The following CPD variants were observed in gnomAD, a reference collection of about 807,000 sequenced individuals.
The protein encoded by CPD is metallocarboxypeptidase D.
CPD carries 69 observed loss-of-function variants against 138.3 expected under a neutral mutation model. The observed-to-expected ratio is 0.50, with a 90% CI of 0.41 to 0.61. The LOEUF is 0.61. Among genes scored for constraint, CPD ranks in the 20% least tolerant of loss-of-function variants. CPD has a pLI of 0.00. For synonymous variants in CPD, 651 were observed against 642.1 expected, an observed-to-expected ratio of 1.01 and a Z score of -0.21; for missense variants, 1,432 against 1,733.3, an observed-to-expected ratio of 0.83 and a Z score of 3.09.
chr17:30,447,271 A>C (rs965443125), intron 12 of CPD, among the ~76,000 whole-genome samples: 1 of 152,110 alleles, frequency 6.6e-6, no homozygotes, highest in Non-Finnish European at 1.5e-5. Flanking sequence ...CCTGAATGGT[A>C]TTGCCTAGGT....
intron 2 of CPD, among the ~76,000 whole-genome samples, chr17:30,404,402 A>G (rs1567869868): frequency 1.3e-5 from 2 of 152,168 alleles, no homozygotes; most frequent in African/African-American, 4.8e-5. Flanking sequence ...ATGCCGTTTT[A>G]TAACCTTTTT....
Position 30,378,931 on chromosome 17 carries a change from G to A in CPD, c.-50G>A. On this transcript the variant is annotated 5_prime_UTR_variant, in exon 1 of 21. Coordinates refer to ENST00000225719, the MANE Select transcript of CPD (RefSeq NM_001304.5). ...GGGATCCGGCGGGCCCCCGCCGCCC[G>A]GAGCGCTGAGCCGCGGGAGCGGAGC... 1 of 1,405,316 alleles carries A rather than the reference G, an allele frequency of 7.1e-7. No homozygotes were observed. The highest frequency in any genetic ancestry group is 1.5e-5 in the African/African-American group (1 of 65,550). The allele number at this position is 1,405,316 out of a possible 1,614,324, so 87.1% of individuals were successfully genotyped here. A position where few individuals can be genotyped will look rare whatever the true frequency, so the allele number is the denominator to read the frequency against.
intron 2 of CPD, among the ~76,000 whole-genome samples, chr17:30,390,061 C>T (rs569990826): frequency 5.1e-4 from 78 of 151,798 alleles, no homozygotes; most frequent in African/African-American, 1.8e-3. Flanking sequence ...CTGTGTTGCC[C>T]AGGCTGGAGT....
At chr17:30,432,058 A>G (rs1463828182) in intron 8 of CPD, among the ~76,000 whole-genome samples, 177 bp downstream of exon 8, 10 of 152,164 alleles carry the variant, frequency 6.6e-5, no homozygotes, top group Admixed American at 6.5e-4. Context: ...TGAATACACT[A>G]CATGTCTTTC....
At chr17:30,411,122 A>G (rs1377625529) in intron 2 of CPD, among the ~76,000 whole-genome samples, 1 of 152,182 alleles carries the variant, frequency 6.6e-6, no homozygotes, top group Non-Finnish European at 1.5e-5. Flanking sequence ...TACGAAGCTT[A>G]GTTTGGCTGG....
intron 17 of CPD, 37 bp downstream of exon 17, chr17:30,456,563 G>A (rs1377543192): frequency 3.8e-6 from 6 of 1,597,042 alleles, no homozygotes; most frequent in African/African-American, 1.3e-5. Flanking sequence ...TGGAGTTATG[G>A]CCAGGCACAA....
chr17:30,447,217 T>A (rs916960036), intron 12 of CPD, among the ~76,000 whole-genome samples: 5 of 152,234 alleles, frequency 3.3e-5, no homozygotes, highest in Non-Finnish European at 1.5e-5. Flanking sequence ...TTGTTGCCAT[T>A]GCTATTGGTG....
intron 17 of CPD, among the ~76,000 whole-genome samples, chr17:30,460,729 G>A (rs1329545090): frequency 6.6e-6 from 1 of 152,200 alleles, no homozygotes; most frequent in Non-Finnish European, 1.5e-5. Flanking sequence ...TAATATCAAT[G>A]CCGTATTGCA....
intron 1 of CPD, chr17:30,380,155 G>T: frequency 5.8e-6 from 1 of 171,036 alleles, no homozygotes; most frequent in Non-Finnish European, 1.2e-5. Context: ...CTTTATTTTG[G>T]CCACAACCTG....
At chr17:30,430,503 A>T (rs1362301329) in intron 7 of CPD, among the ~76,000 whole-genome samples, 1 of 152,212 alleles carries the variant, frequency 6.6e-6, no homozygotes, top group African/African-American at 2.4e-5. Flanking sequence ...AGTACATTGT[A>T]TATACATATG....
intron 8 of CPD, 57 bp from the exon 9 acceptor site, chr17:30,438,918 T>C (rs1474705740): frequency 9.9e-6 from 8 of 809,700 alleles, no homozygotes; most frequent in Non-Finnish European, 1.5e-5. Flanking sequence ...CTTTCCAGTA[T>C]TTTTTTTTGA....
chr17:30,445,550 C>T (rs1419494474), intron 11 of CPD, 141 bp from the exon 12 acceptor site: 17 of 545,408 alleles, frequency 3.1e-5, no homozygotes, highest in Admixed American at 1.0e-4. Flanking sequence ...TAATAAATTA[C>T]TCAACGTTAA....
At chr17:30,463,006 C>A (rs769038930) in intron 20 of CPD, among the ~76,000 whole-genome samples, 18 of 152,146 alleles carry the variant, frequency 1.2e-4, no homozygotes, top group Non-Finnish European at 1.8e-4. Context: ...CCGCCCTGGG[C>A]GGGCCAGGTG....
chr17:30,408,585 C>T (rs1597714587), intron 2 of CPD, among the ~76,000 whole-genome samples: 1 of 152,144 alleles, frequency 6.6e-6, no homozygotes, highest in Non-Finnish European at 1.5e-5. Flanking sequence ...AATGGGAGTT[C>T]ACTCATGATT....
chr17:30,450,890 G>A (rs1242809568), intron 13 of CPD, among the ~76,000 whole-genome samples: 2 of 152,098 alleles, frequency 1.3e-5, no homozygotes, highest in African/African-American at 4.8e-5. Flanking sequence ...TTGACCCAGA[G>A]GCTTGGGCAC....
At chr17:30,399,793 C>A (rs929532488) in intron 2 of CPD, among the ~76,000 whole-genome samples, 11 of 152,158 alleles carry the variant, frequency 7.2e-5, no homozygotes, top group African/African-American at 2.4e-4. Flanking sequence ...AGTTCGAGAC[C>A]AGCCTGGCCA....
In CPD at chr17:30,469,984, C is replaced by T. The variant is rs1204942105; in HGVS notation, c.*5170C>T. On this transcript the variant is annotated 3_prime_UTR_variant, in exon 21 of 21. Coordinates refer to ENST00000225719, the MANE Select transcript of CPD (RefSeq NM_001304.5). ...TCAGCAAATTAAACATGATGGTCAACGCTAATACTACTCAATTATGAATAA... is the reference window on the plus strand; with the variant it reads ...TCAGCAAATTAAACATGATGGTCAATGCTAATACTACTCAATTATGAATAA... 1.3e-5 allele frequency: 2 copies of T among 151,924 alleles called. No individual in the cohort carries two copies. The highest frequency in any genetic ancestry group is 6.6e-5 in the Admixed American group (1 of 15,252). 9.4% of individuals were successfully genotyped at this position (151,924 alleles called of 1,614,324 possible).
chr17:30,421,386 C>T (rs924559601), intron 3 of CPD, among the ~76,000 whole-genome samples: 1 of 152,110 alleles, frequency 6.6e-6, no homozygotes, highest in East Asian at 1.9e-4. Context: ...ATTGAATACA[C>T]CAGCAGTTAC....
At chr17:30,453,048 A>G (rs1913206145) in intron 14 of CPD, among the ~76,000 whole-genome samples, 1 of 152,150 alleles carries the variant, frequency 6.6e-6, no homozygotes, top group South Asian at 2.1e-4. Flanking sequence ...TCTGGGAGAT[A>G]AAATTCGAGT....
Sources: allele counts gnomAD v4.1 joint callset (sites outside exome capture counted in the v4.1 genomes callset), GRCh38; gene constraint gnomAD v4.1.1; transcripts MANE v1.5; gene names NCBI Gene and HGNC (gene_info 2026-07-23, HGNC 2026-07-21).